The following DLC1 variants were observed in gnomAD, a reference collection of about 807,000 sequenced individuals.
The protein encoded by DLC1 is DLC1 Rho GTPase activating protein.
In DLC1, 54 loss-of-function variants were observed where a neutral mutation model predicts 140.3. The ratio of observed to expected loss-of-function variants is 0.38; its 90% CI spans 0.31 to 0.48. DLC1 has a LOEUF of 0.48. Among genes scored for constraint, DLC1 ranks in the 20% least tolerant of loss-of-function variants. The pLI, the probability that DLC1 is intolerant of heterozygous loss-of-function variation, is 0.96. For missense variants in DLC1, 2,536 were observed against 1,907.0 expected (o/e 1.33, Z -6.14); for synonymous variants, 986 against 728.1 (o/e 1.35, Z -5.70).
chr8:13,143,654 C>G (rs978840687), intron 5 of DLC1, among the ~76,000 whole-genome samples: 1 of 150,734 alleles, frequency 6.6e-6, no homozygotes, highest in African/African-American at 2.4e-5. Flanking sequence ...AATTGGTGTC[C>G]TCTCACCTTA....
chr8:13,171,804 T>G (rs1369712423), intron 5 of DLC1, among the ~76,000 whole-genome samples: 1 of 152,186 alleles, frequency 6.6e-6, no homozygotes, highest in Non-Finnish European at 1.5e-5. Flanking sequence ...ACTTGGAGGC[T>G]CAAAACCCTT....
intron 4 of DLC1, among the ~76,000 whole-genome samples, chr8:13,378,304 C>T (rs1836091391): frequency 6.6e-6 from 1 of 151,136 alleles, no homozygotes; most frequent in Non-Finnish European, 1.5e-5. Flanking sequence ...AGAAGAAAGT[C>T]CTTTGAAAGG....
At chr8:13,602,890 T>G (rs913788364) in intron 1 of DLC1, among the ~76,000 whole-genome samples, 2 of 151,924 alleles carry the variant, frequency 1.3e-5, no homozygotes, top group Admixed American at 1.3e-4. Flanking sequence ...ATAATACATT[T>G]CTATTTGTCA....
At chr8:13,133,696 C>G (rs893738936) in intron 5 of DLC1, among the ~76,000 whole-genome samples, 3 of 152,038 alleles carry the variant, frequency 2.0e-5, no homozygotes, top group Non-Finnish European at 4.4e-5. Flanking sequence ...GCGGAGGTGT[C>G]CGGCCTGGAC....
chr8:13,406,233 TG>T (rs979159115), intron 2 of DLC1, among the ~76,000 whole-genome samples: 53 of 147,610 alleles, frequency 3.6e-4, no homozygotes, highest in African/African-American at 1.3e-3. Context: ...TTGGCCAGGC[TG>T]GTCTTGAACT....
intron 4 of DLC1, among the ~76,000 whole-genome samples, chr8:13,350,104 C>G (rs1240832702): frequency 6.6e-6 from 1 of 152,130 alleles, no homozygotes; most frequent in Admixed American, 6.5e-5. Flanking sequence ...TCAAATGACG[C>G]CTCTGTGGCC....
intron 5 of DLC1, among the ~76,000 whole-genome samples, chr8:13,156,505 TG>T (rs1824269239): frequency 6.6e-6 from 1 of 152,210 alleles, no homozygotes; most frequent in Non-Finnish European, 1.5e-5. Context: ...CACCAAAGCC[TG>T]GCAAAACCTA....
chr8:13,205,716 G>A (rs973689118), intron 5 of DLC1, among the ~76,000 whole-genome samples: 7 of 152,204 alleles, frequency 4.6e-5, no homozygotes, highest in Non-Finnish European at 7.4e-5. Context: ...TCCACAGGCC[G>A]TGGGTTGGAC....
chr8:13,133,381 G>A, intron 5 of DLC1: 1 of 953,458 alleles, frequency 1.0e-6, no homozygotes, highest in Non-Finnish European at 1.3e-6. Context: ...CCTCCCCGCT[G>A]TCTGGGTCGC....
At chr8:13,182,631 A>G (rs1047946330) in intron 5 of DLC1, among the ~76,000 whole-genome samples, 1 of 152,126 alleles carries the variant, frequency 6.6e-6, no homozygotes, top group East Asian at 1.9e-4. Context: ...AGATGGTTGT[A>G]GATGTGTGGT....
intron 1 of DLC1, among the ~76,000 whole-genome samples, chr8:13,593,334 C>T (rs1805581899): frequency 6.6e-6 from 1 of 152,240 alleles, no homozygotes; most frequent in African/African-American, 2.4e-5. Flanking sequence ...TTTTGTCCAG[C>T]AAATATTTCC....
At chr8:13,456,760 C>A (rs289545) in intron 2 of DLC1, among the ~76,000 whole-genome samples, 1 of 151,978 alleles carries the variant, frequency 6.6e-6, no homozygotes, top group South Asian at 2.1e-4. Flanking sequence ...TGCCCCCCTC[C>A]ATAATATACT....
At chr8:13,532,194 C>G (rs1330004589) in intron 1 of DLC1, among the ~76,000 whole-genome samples, 2 of 152,062 alleles carry the variant, frequency 1.3e-5, no homozygotes, top group African/African-American at 4.8e-5. Context: ...AGCTTGAGCC[C>G]AGGACGTTGA....
At chr8:13,359,782 G>C (rs59543840) in intron 4 of DLC1, among the ~76,000 whole-genome samples, 9,446 of 152,280 alleles carry the variant, frequency 0.062, 371 homozygotes, top group Non-Finnish European at 0.086. Flanking sequence ...GATTTCACCA[G>C]AGAAGTTGGG....
At chr8:13,263,181 C>G (rs1017129135) in intron 5 of DLC1, among the ~76,000 whole-genome samples, 4 of 152,040 alleles carry the variant, frequency 2.6e-5, no homozygotes, top group Non-Finnish European at 4.4e-5. Flanking sequence ...AATCTTTGGT[C>G]TCCGTGGAAG....
chr8:13,547,111 G>T (rs978241886), intron 1 of DLC1, among the ~76,000 whole-genome samples: 3 of 151,940 alleles, frequency 2.0e-5, no homozygotes, highest in Admixed American at 2.0e-4. Context: ...CTATATGATG[G>T]AAAGCTTATG....
At chr8:13,144,354 T>G (rs56155254) in intron 5 of DLC1, among the ~76,000 whole-genome samples, 17 of 152,286 alleles carry the variant, frequency 1.1e-4, no homozygotes, top group African/African-American at 3.8e-4. Flanking sequence ...ATTCCTTGGT[T>G]CTGAGGTTCT....
At chr8:13,560,499 T>C (rs1804204027) in intron 1 of DLC1, among the ~76,000 whole-genome samples, 1 of 152,158 alleles carries the variant, frequency 6.6e-6, no homozygotes, top group African/African-American at 2.4e-5. Flanking sequence ...ACGATTTTAT[T>C]TTTCTCACTT....
chr8:13,200,426 A>G (rs1432204801), intron 5 of DLC1, among the ~76,000 whole-genome samples: 1 of 152,154 alleles, frequency 6.6e-6, no homozygotes, highest in East Asian at 1.9e-4. Context: ...TGATTAAATA[A>G]CTTGCTTGCC....
Sources: gnomAD v4.1 joint callset for allele counts (sites outside exome capture counted in the v4.1 genomes callset) on GRCh38, gnomAD v4.1.1 for gene constraint, MANE v1.5 for transcripts, NCBI Gene and HGNC (gene_info 2026-07-23, HGNC 2026-07-21) for gene names.